The following CCDC183 variants were observed in gnomAD, a reference collection of about 807,000 sequenced individuals.
The protein encoded by CCDC183 is coiled-coil domain containing 183.
A neutral mutation model predicts 65.2 loss-of-function variants in CCDC183; 63 were observed. That is an observed-to-expected ratio of 0.97 (90% confidence interval 0.79 to 1.19). The LOEUF is 1.19. Ranked by LOEUF, CCDC183 falls within the 50% of genes most tolerant of loss-of-function variation. The probability of loss-of-function intolerance (pLI) is 0.00; values close to 1 mark genes in which losing one functional copy is unlikely to be tolerated. For synonymous variants in CCDC183, 323 were observed against 276.5 expected (o/e 1.17, Z -1.67); for missense variants, 769 against 689.3 (o/e 1.12, Z -1.30).
intron 4 of CCDC183, 24 bp downstream of exon 4, chr9:136,800,193 C>T (rs932695654): frequency 1.0e-4 from 23 of 227,674 alleles, no homozygotes; most frequent in South Asian, 9.9e-4. Flanking sequence ...GCTGGGAGGG[C>T]GGGGCGGAGT....
chr9:136,800,117 A>AGCCTGCGGGGC lies in CCDC183; in HGVS notation c.386_387insGCCTGCGGGGC (p.Asp129GlufsTer35), dbSNP rs1564348478. On this transcript the variant is annotated frameshift_variant, in exon 4 of 14. Transcript: ENST00000338005. LOFTEE classifies it high-confidence loss of function. ...CTGGAGAGCATGCAGCTGGAGCTGG[A>AGCCTGCGGGGC]CAGCCTGCGGAGCCAGCCCGACGCC... The AGCCTGCGGGGC allele has an allele frequency of 2.6e-6, 4 of 1,542,494 alleles. No individual in the cohort carries two copies. The highest frequency in any genetic ancestry group is 2.6e-6 in the Non-Finnish European group (3 of 1,146,374).
intron 6 of CCDC183, among the ~76,000 whole-genome samples, chr9:136,803,521 C>T (rs940132909): frequency 6.6e-6 from 1 of 152,176 alleles, no homozygotes; most frequent in African/African-American, 2.4e-5. Context: ...GCCAAGGTCC[C>T]TGCAAGGCTC....
chr9:136,800,579 C>A, intron 5 of CCDC183, 86 bp downstream of exon 5: 1 of 983,228 alleles, frequency 1.0e-6, no homozygotes, highest in Non-Finnish European at 1.5e-6. Context: ...CCGCCCCGCA[C>A]CCGCCAGGGA....
chr9:136,806,745 C>T lies in CCDC183; in HGVS notation c.1279-12C>T. ...GCCAGAGGGGAGATGAGACCCTCCT[C>T]CCGGCCTACAGAGAGAAGTGGTGCT... On this transcript the variant is annotated splice_polypyrimidine_tract_variant and intron_variant, in intron 11 of 13. Coordinates refer to ENST00000338005, the MANE Select transcript of CCDC183 (RefSeq NM_001039374.5). The T allele has an allele frequency of 6.2e-7, 1 of 1,613,492 alleles. No homozygotes were observed. Among genetic ancestry groups the T allele is most frequent in the Non-Finnish European group, 8.5e-7 (1 of 1,180,012 alleles).
rs755009403 is a variant in CCDC183, at chr9:136,806,558, G to C, written c.1164G>C (p.Arg388Ser). The change falls in exon 11 of 14, where the codon AGG (arginine) becomes AGC (serine). Residue 388 changes from arginine (R) to serine (S), a missense_variant. Physicochemically the swap from Arg to Ser is moderately radical, Grantham distance 110. Transcript: ENST00000338005. ...ACATGCTAAAAGAGGAAGAAGAGAGGCTCCAGCTGGCGCACAGCAACATGA... is the reference window on the plus strand; with the variant it reads ...ACATGCTAAAAGAGGAAGAAGAGAGCCTCCAGCTGGCGCACAGCAACATGA... ...MTDMLKEEEE[R>S]LQLAHSNMTK... The C allele has an allele frequency of 6.2e-7, 1 of 1,613,626 alleles. No individual in the cohort carries two copies. The highest frequency in any genetic ancestry group is 1.1e-5 in the South Asian group (1 of 91,086).
rs775161270 is a variant in CCDC183 at position 136,800,376 on chromosome 9, C to T, written c.439-13C>T. 2.9e-5 allele frequency: 46 copies of T among 1,601,604 alleles called. 1 individual carries two copies. In the Middle Eastern group the frequency reaches 3.6e-3, roughly 127 times the overall value. ...TCCCCACGCCCTCTCACTGCGCCCT[C>T]GGTCCGCCCCAGATCATCCGCCAGC... On this transcript the variant is annotated splice_polypyrimidine_tract_variant and intron_variant, in intron 4 of 13. Coordinates refer to ENST00000338005, the MANE Select transcript of CCDC183 (RefSeq NM_001039374.5).
At chr9:136,800,340 C>T (rs1847719706) in intron 4 of CCDC183, 49 bp from the exon 5 acceptor site, 3 of 1,532,004 alleles carry the variant, frequency 2.0e-6, no homozygotes, top group Admixed American at 3.7e-5. Flanking sequence ...CGACACCCTC[C>T]GGGCGGCCGG....
chr9:136,807,152 C>A, intron 13 of CCDC183, 86 bp downstream of exon 13: 1 of 1,222,562 alleles, frequency 8.2e-7, no homozygotes, highest in South Asian at 1.2e-5. Context: ...CCCACCGGGA[C>A]ATCCTGGAGG....
At position 136,796,538 on chromosome 9, in the gene CCDC183, G is replaced by A. The variant is rs1254288992; in HGVS notation, c.70+71G>A. ...TTTCTGGGTGCACAACTTTTTGTGGGGAAAAGAGAGATCAGATTGTTACTG... is the reference window on the plus strand; with the variant it reads ...TTTCTGGGTGCACAACTTTTTGTGGAGAAAAGAGAGATCAGATTGTTACTG... On this transcript the variant is annotated intron_variant, in intron 1 of 13. Transcript: ENST00000338005. 1.7e-5 allele frequency: 17 copies of A among 1,016,350 alleles called. No individual in the cohort carries two copies. The South Asian group carries it at 2.4e-4, about 14-fold the overall frequency. The allele number at this position is 1,016,350 out of a possible 1,614,324, so 63.0% of individuals were successfully genotyped here.
At position 136,799,993 on chromosome 9, in the gene CCDC183, C is replaced by T. The variant is rs1223327220; in HGVS notation, c.271-9C>T. 2 of 1,581,226 alleles carry T rather than the reference C, an allele frequency of 1.3e-6. No individual in the cohort carries two copies. The highest frequency in any genetic ancestry group is 1.7e-6 in the Non-Finnish European group (2 of 1,164,320). On this transcript the variant is annotated splice_polypyrimidine_tract_variant and intron_variant, in intron 3 of 13. Coordinates refer to ENST00000338005, the MANE Select transcript of CCDC183 (RefSeq NM_001039374.5). ...CAACCACGAGTGGGCGGTGCCCTTC[C>T]CGACCCAGGTGGTGCGGGAGAAGCT...
Position 136,799,694 on chromosome 9 carries a change from A to G in CCDC183, c.193-19A>G. On this transcript the variant is annotated intron_variant, in intron 2 of 13. Transcript: ENST00000338005. The stretch of plus-strand genomic sequence containing the variant: ...GTGCGCAAAGGGCCCGCTCTAGCTC[A>G]GCCGCCGCCGCTCCGCAGTATGACC... 1 of 1,610,630 alleles carries G rather than the reference A, an allele frequency of 6.2e-7. No homozygotes were observed. Among genetic ancestry groups the G allele is most frequent in the African/African-American group, 1.3e-5 (1 of 75,024 alleles).
chr9:136,797,594 A>G (rs1240349708), intron 1 of CCDC183, among the ~76,000 whole-genome samples: 2 of 151,696 alleles, frequency 1.3e-5, no homozygotes, highest in Non-Finnish European at 1.5e-5. Flanking sequence ...ACCCACCACC[A>G]TGCCCGGCTA....
In CCDC183 at chr9:136,806,595, G is replaced by C. The variant is rs532281379; in HGVS notation, c.1201G>C (p.Glu401Gln). ...GCACAGCAACATGACCAAGGGCCAG[G>C]AGCTGCTGCTGACCATCCAGATGGG... ...LAHSNMTKGQ[E>Q]LLLTIQMGID... Residue 401 changes from glutamate (E) to glutamine (Q), a missense_variant, in exon 11 of 14, where the codon GAG becomes CAG. Glu to Gln is a conservative substitution (Grantham distance 29). Transcript: ENST00000338005. 2.5e-6 allele frequency: 4 copies of C among 1,613,754 alleles called. No homozygotes were observed. In the African/African-American group the frequency reaches 5.3e-5, roughly 21 times the overall value.
At position 136,807,571 on chromosome 9, in the gene CCDC183, G is replaced by T; in HGVS notation, c.1487-1G>T. On this transcript the variant is annotated splice_acceptor_variant, in intron 13 of 13. Transcript: ENST00000338005. LOFTEE classifies it high-confidence loss of function. ...GTGCGAGCCGCCGCCTCCGCCCGCA[G>T]ACACCTTCCAGTTCCCCGACATGGA... The T allele has an allele frequency of 6.2e-7, 1 of 1,601,382 alleles. No individual in the cohort carries two copies. The highest frequency in any genetic ancestry group is 1.1e-5 in the South Asian group (1 of 89,478).
At position 136,806,546 on chromosome 9, in the gene CCDC183, G is replaced by C. The variant is rs369784221; in HGVS notation, c.1152G>C (p.Glu384Asp). Residue 384 changes from glutamate (E) to aspartate (D), a missense_variant, in exon 11 of 14, where the codon GAG (glutamate) becomes GAC (aspartate). Glu to Asp is a conservative substitution (Grantham distance 45). Coordinates refer to ENST00000338005, the MANE Select transcript of CCDC183 (RefSeq NM_001039374.5). ...AGAAAATGACAGACATGCTAAAAGA[G>C]GAAGAAGAGAGGCTCCAGCTGGCGC... ...VEKKMTDMLK[E>D]EEERLQLAHS... The C allele has an allele frequency of 6.2e-7, 1 of 1,613,646 alleles. No homozygotes were observed. The highest frequency in any genetic ancestry group is 1.1e-5 in the South Asian group (1 of 91,090).
rs1231466084 is a variant in CCDC183, at chr9:136,800,155, C to A, written c.424C>A (p.Leu142Met). 5 of 1,272,172 alleles carry A rather than the reference C, an allele frequency of 3.9e-6. No homozygotes were observed. Among genetic ancestry groups the A allele is most frequent in the Non-Finnish European group, 5.2e-6 (5 of 957,218 alleles). 78.8% of individuals were successfully genotyped at this position (1,272,172 alleles called of 1,614,324 possible). A position where few individuals can be genotyped will look rare whatever the true frequency, so the allele number is the denominator to read the frequency against. The change falls in exon 4 of 14, where the codon CTG becomes ATG. Residue 142 changes from leucine (L) to methionine (M), a missense_variant. Transcript: ENST00000338005. The part of the protein sequence containing the change: ...RSQPDASKEE[L>M]RLLQIIRQLE... ...CCAGCCCGACGCCAGCAAGGAGGAG[C>A]TGCGGCTGCTGCAGGTGGAGAGGCG...
chr9:136,799,356 GC>G, intron 2 of CCDC183, 133 bp downstream of exon 2: 1 of 1,353,920 alleles, frequency 7.4e-7, no homozygotes, highest in Non-Finnish European at 9.8e-7. Flanking sequence ...GTGAGGAGGG[GC>G]TCTGCTAGGA....
Position 136,799,172 on chromosome 9 carries a change from C to A in CCDC183, c.141C>A (p.Leu47=). 1.9e-6 allele frequency: 3 copies of A among 1,612,594 alleles called. No individual in the cohort carries two copies. The highest frequency in any genetic ancestry group is 2.5e-6 in the Non-Finnish European group (3 of 1,179,618). Reference sequence around the variant, plus strand: ...ACCAGAACAAGGCCACGCTGGCCCTCCTGCGCAGCAACATCCGCCGCGGGG... The same window carrying A: ...ACCAGAACAAGGCCACGCTGGCCCTACTGCGCAGCAACATCCGCCGCGGGG... The part of the protein sequence containing the change: ...NMDQNKATLA[L]LRSNIRRGAQ... The change falls in exon 2 of 14, where the codon CTC becomes CTA. Residue 47 remains leucine, a synonymous_variant. Coordinates refer to ENST00000338005, the MANE Select transcript of CCDC183 (RefSeq NM_001039374.5).
rs1250224249 is a variant in CCDC183, at chr9:136,807,568, GCA to G, written c.1487-3_1487-2del. On this transcript the variant is annotated splice_acceptor_variant and splice_polypyrimidine_tract_variant and intron_variant, in intron 13 of 13. Transcript: ENST00000338005. LOFTEE classifies it high-confidence loss of function. ...CGTGTGCGAGCCGCCGCCTCCGCCCGCAGACACCTTCCAGTTCCCCGACATGG... is the reference window on the plus strand; with the variant it reads ...CGTGTGCGAGCCGCCGCCTCCGCCCGGACACCTTCCAGTTCCCCGACATGG... The G allele has an allele frequency of 6.3e-7, 1 of 1,598,172 alleles. No homozygotes were observed. The highest frequency in any genetic ancestry group is 2.3e-5 in the East Asian group (1 of 43,678).
Sources: gnomAD v4.1 joint callset for allele counts (sites outside exome capture counted in the v4.1 genomes callset) on GRCh38, gnomAD v4.1.1 for gene constraint, MANE v1.5 for transcripts, NCBI Gene and HGNC (gene_info 2026-07-23, HGNC 2026-07-21) for gene names.